MYT1L: variants seen among roughly 807,000 people sequenced by gnomAD.
MYT1L encodes myelin transcription factor 1 like, also known as myelin transcription factor 1-like protein.
In MYT1L, 12 loss-of-function variants were observed where a neutral mutation model predicts 126.7. That is an observed-to-expected ratio of 0.09 (90% CI 0.06 to 0.15). The LOEUF is 0.15. Ranked by LOEUF, MYT1L falls within the 10% of genes least tolerant of loss-of-function variation. The pLI, the probability that MYT1L is intolerant of heterozygous loss-of-function variation, is 1.00. For missense variants in MYT1L, 979 were observed against 1,585.2 expected (o/e 0.62, Z 6.49); for synonymous variants, 541 against 604.2 (o/e 0.90, Z 1.53).
intron 2 of MYT1L, among the ~76,000 whole-genome samples, chr2:2,194,321 C>T (rs1285315114): frequency 5.3e-5 from 8 of 152,156 alleles, no homozygotes; most frequent in Non-Finnish European, 1.2e-4. Context: ...CTCAAGCAAC[C>T]TCCCAAAATG....
At chr2:1,964,526 G>A (rs900237523) in intron 8 of MYT1L, among the ~76,000 whole-genome samples, 2 of 152,090 alleles carry the variant, frequency 1.3e-5, no homozygotes, top group Admixed American at 6.5e-5. Flanking sequence ...CTGTAATGGC[G>A]AAAGTTGCTC....
At chr2:1,955,243 T>C (rs2058245660) in intron 8 of MYT1L, among the ~76,000 whole-genome samples, 1 of 152,122 alleles carries the variant, frequency 6.6e-6, no homozygotes, top group African/African-American at 2.4e-5. Flanking sequence ...GCCCCTTCTT[T>C]AGATGTTCAG....
chr2:2,299,830 A>G (rs1427038966), intron 1 of MYT1L, among the ~76,000 whole-genome samples: 2 of 152,146 alleles, frequency 1.3e-5, no homozygotes, highest in South Asian at 2.1e-4. Context: ...AACTTTTTCC[A>G]TGTCATCATA....
rs117398075 is a variant in MYT1L at position 2,178,234 on chromosome 2, A to G, written c.-420-5246T>C. On this transcript the variant is annotated intron_variant, in intron 2 of 24. Transcript: ENST00000647738. ...ATTATAAAAAATGACTAATAAATTT[A>G]GGTTAGAAATTTACACTCCCAAAGT... 6.4e-4 allele frequency among the ~76,000 whole-genome samples: 98 copies of G among 152,312 alleles called. 1 individual carries two copies. The East Asian group carries it at 0.018, about 28-fold the overall frequency.
At chr2:1,995,239 A>T (rs564359467) in intron 5 of MYT1L, among the ~76,000 whole-genome samples, 35 of 152,238 alleles carry the variant, frequency 2.3e-4, no homozygotes, top group Admixed American at 2.0e-4. Flanking sequence ...GTGGATGTGA[A>T]CACTCTAGCA....
At chr2:2,023,584 G>A (rs1476733151) in intron 4 of MYT1L, among the ~76,000 whole-genome samples, 1 of 151,896 alleles carries the variant, frequency 6.6e-6, no homozygotes, top group African/African-American at 2.4e-5. Context: ...GGCAGAACTC[G>A]GAGCAGCTCC....
At chr2:1,850,041 G>GT in intron 19 of MYT1L, among the ~76,000 whole-genome samples, 1 of 143,452 alleles carries the variant, frequency 7.0e-6, no homozygotes, top group Admixed American at 6.8e-5. Context: ...TGAGGGGGGG[G>GT]CCATTATCCA....
At chr2:2,017,691 T>C (rs1212183779) in intron 4 of MYT1L, among the ~76,000 whole-genome samples, 5 of 152,138 alleles carry the variant, frequency 3.3e-5, no homozygotes, top group African/African-American at 1.2e-4. Flanking sequence ...ATTATAAGTA[T>C]AATCCTATCT....
chr2:1,850,260 TTC>T (rs976065438), intron 19 of MYT1L, among the ~76,000 whole-genome samples: 1 of 143,002 alleles, frequency 7.0e-6, no homozygotes. Context: ...TCCCTGTCTT[TTC>T]TCTCTTTCTT....
chr2:2,088,582 C>T (rs780103237), intron 3 of MYT1L, among the ~76,000 whole-genome samples: 3 of 151,680 alleles, frequency 2.0e-5, no homozygotes, highest in Admixed American at 1.3e-4. Flanking sequence ...GGGCCAGCTG[C>T]GTCCAACCTG....
intron 23 of MYT1L, among the ~76,000 whole-genome samples, chr2:1,797,713 T>G (rs1196133084): frequency 6.6e-6 from 1 of 152,204 alleles, no homozygotes; most frequent in East Asian, 1.9e-4. Flanking sequence ...TAAAATTGCG[T>G]TTGTCCTAAT....
chr2:2,274,342 G>A (rs905010947), intron 2 of MYT1L, among the ~76,000 whole-genome samples: 28 of 151,100 alleles, frequency 1.9e-4, no homozygotes, highest in East Asian at 1.4e-3. Flanking sequence ...AGGGAGGGAG[G>A]GAGGGTAGGA....
Position 1,991,338 on chromosome 2 carries a change from C to G in MYT1L, c.-1+5853G>C, listed in dbSNP as rs543215307. ...TTTTCTTTTTGGAGACTCTGCTACT[C>G]TGGCTGGAGTTTCAGTGACACGATC... On this transcript the variant is annotated intron_variant, in intron 5 of 24. Transcript: ENST00000647738. 3.3e-5 allele frequency among the ~76,000 whole-genome samples: 5 copies of G among 152,254 alleles called. No individual in the cohort carries two copies. The East Asian group carries it at 9.7e-4, about 29-fold the overall frequency.
At chr2:1,894,829 G>A (rs1320377728) in intron 14 of MYT1L, among the ~76,000 whole-genome samples, 1 of 152,142 alleles carries the variant, frequency 6.6e-6, no homozygotes, top group African/African-American at 2.4e-5. Context: ...CTCGTCATGA[G>A]CCCCTCTCAC....
intron 2 of MYT1L, among the ~76,000 whole-genome samples, chr2:2,184,343 T>C (rs2091894732): frequency 6.6e-6 from 1 of 152,184 alleles, no homozygotes; most frequent in African/African-American, 2.4e-5. Context: ...ACAGAGTTCG[T>C]CCCTGTAGAT....
chr2:1,851,836 G>C, intron 18 of MYT1L, 133 bp from the exon 19 acceptor site: 1 of 824,444 alleles, frequency 1.2e-6, no homozygotes, highest in Non-Finnish European at 2.0e-6. Flanking sequence ...GAGTGGAGCC[G>C]GAAGCTCCCT....
At chr2:1,805,049 G>C (rs868816593) in intron 22 of MYT1L, among the ~76,000 whole-genome samples, 3 of 152,208 alleles carry the variant, frequency 2.0e-5, no homozygotes, top group African/African-American at 7.2e-5. Context: ...AAAGGGTTCT[G>C]AAGGGAGACT....
At chr2:2,326,297 T>C (rs2096245397) in intron 1 of MYT1L, 1 of 152,288 alleles carries the variant, frequency 6.6e-6, no homozygotes, top group Admixed American at 6.5e-5. Flanking sequence ...TGACTGTGGT[T>C]TCCGTGGGGA....
chr2:2,304,250 AC>A (rs1227146810), intron 1 of MYT1L, among the ~76,000 whole-genome samples: 3 of 152,262 alleles, frequency 2.0e-5, no homozygotes, highest in African/African-American at 7.2e-5. Context: ...TCCAGGGGAT[AC>A]AGTCTGGTGT....
Sources: gnomAD v4.1 joint callset for allele counts (sites outside exome capture counted in the v4.1 genomes callset) on GRCh38, gnomAD v4.1.1 for gene constraint, MANE v1.5 for transcripts, NCBI Gene and HGNC (gene_info 2026-07-23, HGNC 2026-07-21) for gene names.